The following ANGPT1 variants were observed in gnomAD, a reference collection of about 807,000 sequenced individuals.
The protein encoded by ANGPT1 is angiopoietin-1.
ANGPT1 carries 17 observed loss-of-function variants against 62.2 expected under a neutral mutation model. The ratio of observed to expected loss-of-function variants is 0.27; its 90% confidence interval spans 0.19 to 0.41. The LOEUF is 0.41. Ranked by LOEUF, ANGPT1 falls within the 10% of genes least tolerant of loss-of-function variation. The probability of loss-of-function intolerance (pLI) is 1.00; values close to 1 mark genes in which losing one functional copy is unlikely to be tolerated. For synonymous variants in ANGPT1, 199 were observed against 198.9 expected (o/e 1.00, Z 0.00); for missense variants, 478 against 594.9 (o/e 0.80, Z 2.04).
At chr8:107,308,678 C>T (rs548724160) in intron 4 of ANGPT1, among the ~76,000 whole-genome samples, 2 of 152,204 alleles carry the variant, frequency 1.3e-5, no homozygotes, top group South Asian at 4.1e-4. Flanking sequence ...AAGACTTTGC[C>T]CACACCAATA....
chr8:107,293,865 T>G, intron 6 of ANGPT1, 71 bp downstream of exon 6: 1 of 1,188,210 alleles, frequency 8.4e-7, no homozygotes, highest in East Asian at 2.5e-5. Context: ...ATACCAAGAT[T>G]CATCATATAG....
chr8:107,455,202 C>A (rs571288065), intron 1 of ANGPT1, among the ~76,000 whole-genome samples: 1 of 152,148 alleles, frequency 6.6e-6, no homozygotes, highest in East Asian at 1.9e-4. Context: ...CAGAGCCTTT[C>A]GTGATCTCCA....
At chr8:107,385,601 TC>T (rs1354685498) in intron 1 of ANGPT1, among the ~76,000 whole-genome samples, 1 of 152,092 alleles carries the variant, frequency 6.6e-6, no homozygotes, top group Non-Finnish European at 1.5e-5. Context: ...CTTCCTTTCT[TC>T]CTGTTAGCAT....
chr8:107,255,053 A>T, intron 8 of ANGPT1, among the ~76,000 whole-genome samples: 1 of 152,170 alleles, frequency 6.6e-6, no homozygotes, highest in East Asian at 1.9e-4. Context: ...GGGATAGGGG[A>T]CAGAAATTTT....
chr8:107,349,916 C>T (rs1815896636), intron 1 of ANGPT1, among the ~76,000 whole-genome samples: 1 of 152,072 alleles, frequency 6.6e-6, no homozygotes, highest in Admixed American at 6.6e-5. Context: ...TATAAAGCTT[C>T]CCAGTGTAAT....
intron 4 of ANGPT1, among the ~76,000 whole-genome samples, chr8:107,320,747 C>T (rs1018112529): frequency 2.0e-5 from 3 of 151,968 alleles, no homozygotes; most frequent in East Asian, 1.9e-4. Flanking sequence ...AGATATAACT[C>T]GAGGTAATGG....
At chr8:107,274,902 T>C (rs1214413266) in intron 7 of ANGPT1, among the ~76,000 whole-genome samples, 10 of 152,088 alleles carry the variant, frequency 6.6e-5, no homozygotes, top group Non-Finnish European at 1.5e-4. Context: ...TACAGTCTAA[T>C]AATAGGGAAC....
chr8:107,436,509 C>T (rs757499375), intron 1 of ANGPT1, among the ~76,000 whole-genome samples: 7 of 152,168 alleles, frequency 4.6e-5, no homozygotes, highest in Non-Finnish European at 1.0e-4. Context: ...TTATATGGAA[C>T]GTTGTAATTT....
chr8:107,257,853 C>T (rs1037127832), intron 8 of ANGPT1, among the ~76,000 whole-genome samples: 5 of 134,868 alleles, frequency 3.7e-5, no homozygotes, highest in Admixed American at 7.8e-5. Flanking sequence ...AATATATCCT[C>T]TTCAGGCCAA....
chr8:107,347,171 T>C, intron 1 of ANGPT1, 74 bp from the exon 2 acceptor site: 3 of 1,463,152 alleles, frequency 2.1e-6, no homozygotes, highest in Non-Finnish European at 2.8e-6. Flanking sequence ...ATATTTACAA[T>C]AACAAAACAA....
At chr8:107,401,482 C>A (rs895914379) in intron 1 of ANGPT1, among the ~76,000 whole-genome samples, 3 of 152,098 alleles carry the variant, frequency 2.0e-5, no homozygotes, top group Admixed American at 6.5e-5. Context: ...ATTTTGGTAG[C>A]CTTTATGCTG....
At chr8:107,364,057 A>G (rs1273426006) in intron 1 of ANGPT1, among the ~76,000 whole-genome samples, 2 of 152,106 alleles carry the variant, frequency 1.3e-5, no homozygotes, top group Non-Finnish European at 2.9e-5. Context: ...GCTGGCCATA[A>G]AGTCTATAGG....
intron 1 of ANGPT1, among the ~76,000 whole-genome samples, chr8:107,431,961 T>A (rs1417251625): frequency 1.3e-5 from 2 of 152,186 alleles, no homozygotes; most frequent in Non-Finnish European, 2.9e-5. Context: ...GTATTTGTAT[T>A]TGATACATAT....
chr8:107,312,528 T>C (rs11780324), intron 4 of ANGPT1, among the ~76,000 whole-genome samples: 43,363 of 152,176 alleles, frequency 0.28, 7,471 homozygotes, highest in Admixed American at 0.39. Flanking sequence ...AATTCCACTT[T>C]GAAGTTTTAA....
intron 1 of ANGPT1, among the ~76,000 whole-genome samples, chr8:107,496,023 C>T (rs1454049905): frequency 6.6e-6 from 1 of 152,180 alleles, no homozygotes; most frequent in Non-Finnish European, 1.5e-5. Context: ...ATAACTATTA[C>T]TTGGCATGAT....
At chr8:107,490,078 C>CT (rs1260428826) in intron 1 of ANGPT1, among the ~76,000 whole-genome samples, 19 of 152,208 alleles carry the variant, frequency 1.2e-4, no homozygotes, top group Admixed American at 3.3e-4. Context: ...TGATAAAACT[C>CT]TGTGTTTTGT....
At chr8:107,429,327 C>G (rs1811118195) in intron 1 of ANGPT1, among the ~76,000 whole-genome samples, 1 of 152,172 alleles carries the variant, frequency 6.6e-6, no homozygotes, top group Admixed American at 6.5e-5. Context: ...CCCGGGGAGG[C>G]TCTCCAATCA....
chr8:107,263,302 C>T (rs1314798679), intron 8 of ANGPT1, among the ~76,000 whole-genome samples: 5 of 132,166 alleles, frequency 3.8e-5, no homozygotes, highest in Non-Finnish European at 7.7e-5. Flanking sequence ...TGCAGTGAGC[C>T]GAGACAGCAC....
intron 2 of ANGPT1, among the ~76,000 whole-genome samples, chr8:107,342,491 C>CA (rs944517791): frequency 2.0e-5 from 3 of 152,072 alleles, no homozygotes; most frequent in Non-Finnish European, 4.4e-5. Context: ...TCTTGTGTAA[C>CA]AATTTAGCTC....
Sources: gnomAD v4.1 joint callset for allele counts (sites outside exome capture counted in the v4.1 genomes callset) on GRCh38, gnomAD v4.1.1 for gene constraint, MANE v1.5 for transcripts, NCBI Gene and HGNC (gene_info 2026-07-23, HGNC 2026-07-21) for gene names.